The following GRAP2 variants were observed in gnomAD, a reference collection of about 807,000 sequenced individuals.
GRAP2 encodes GRB2-related adapter protein 2.
A neutral mutation model predicts 43.5 loss-of-function variants in GRAP2; 31 were observed. The observed-to-expected ratio is 0.71, with a 90% CI of 0.54 to 0.96. The LOEUF (loss-of-function observed/expected upper bound fraction) is 0.96. GRAP2 is among the 40% of genes least tolerant of loss of function. The pLI is 0.00. For synonymous variants in GRAP2, 156 were observed against 164.8 expected, an observed-to-expected ratio of 0.95 and a Z score of 0.41; for missense variants, 371 against 424.4, an observed-to-expected ratio of 0.87 and a Z score of 1.11.
intron 3 of GRAP2, among the ~76,000 whole-genome samples, chr22:39,957,341 G>A (rs1050823268): frequency 4.6e-5 from 7 of 152,124 alleles, no homozygotes; most frequent in South Asian, 2.1e-4. Flanking sequence ...CAGCCCCTCC[G>A]TGCATCACTC....
intron 1 of GRAP2, among the ~76,000 whole-genome samples, chr22:39,926,354 C>G (rs773706300): frequency 6.6e-6 from 1 of 151,888 alleles, no homozygotes; most frequent in Non-Finnish European, 1.5e-5. Flanking sequence ...AACATGCACA[C>G]GCAGCAGAGA....
chr22:39,903,731 C>T (rs1329698344), intron 1 of GRAP2, among the ~76,000 whole-genome samples: 1 of 152,112 alleles, frequency 6.6e-6, no homozygotes, highest in East Asian at 1.9e-4. Context: ...CCTGCCTCAG[C>T]CTCCCAAAGT....
chr22:39,926,509 G>GCAAAA, intron 1 of GRAP2: 3 of 634,298 alleles, frequency 4.7e-6, no homozygotes, highest in Non-Finnish European at 5.9e-6. Flanking sequence ...AAGGAAAAGA[G>GCAAAA]CAAAAAAGCA....
intron 1 of GRAP2, among the ~76,000 whole-genome samples, chr22:39,909,347 T>A (rs183912577): frequency 4.5e-4 from 69 of 152,324 alleles, no homozygotes; most frequent in Non-Finnish European, 6.6e-4. Context: ...GAGAGCAGAC[T>A]TTTTCTCCAG....
intron 1 of GRAP2, among the ~76,000 whole-genome samples, chr22:39,941,251 C>T (rs2066867115): frequency 1.3e-5 from 2 of 152,154 alleles, no homozygotes; most frequent in Admixed American, 6.5e-5. Flanking sequence ...AACTGCCATT[C>T]GTTGGACACC....
intron 3 of GRAP2, among the ~76,000 whole-genome samples, chr22:39,958,391 G>A (rs1023348258): frequency 2.0e-5 from 3 of 152,076 alleles, no homozygotes; most frequent in African/African-American, 4.8e-5. Flanking sequence ...CATCTGGCAC[G>A]CTTCAGATCT....
intron 7 of GRAP2, among the ~76,000 whole-genome samples, chr22:39,969,862 C>T (rs1263791366): frequency 3.3e-5 from 5 of 152,004 alleles, no homozygotes; most frequent in African/African-American, 4.8e-5. Flanking sequence ...TGCAGTGAGC[C>T]GAGATTGCGC....
chr22:39,952,503 G>A (rs926952935), intron 2 of GRAP2, among the ~76,000 whole-genome samples: 6 of 152,086 alleles, frequency 3.9e-5, no homozygotes, highest in South Asian at 4.1e-4. Context: ...GTGTTTTTAC[G>A]TGGCTACGAG....
chr22:39,898,426 T>G (rs2066473895), upstream of GRAP2, among the ~76,000 whole-genome samples: 1 of 152,222 alleles, frequency 6.6e-6, no homozygotes, highest in African/African-American at 2.4e-5. Context: ...CTTTATTTAT[T>G]GAATAAATGA....
intron 1 of GRAP2, among the ~76,000 whole-genome samples, chr22:39,901,555 C>T (rs2066492561): frequency 6.6e-6 from 1 of 152,174 alleles, no homozygotes; most frequent in Admixed American, 6.5e-5. Flanking sequence ...GTTCCTTACC[C>T]AGTCCATAAC....
chr22:39,930,934 C>A (rs999833822), intron 1 of GRAP2, among the ~76,000 whole-genome samples: 1 of 152,234 alleles, frequency 6.6e-6, no homozygotes, highest in African/African-American at 2.4e-5. Context: ...TTCCACTAAT[C>A]CCTCCTGCAC....
At chr22:39,966,227 A>C in intron 5 of GRAP2, 69 bp downstream of exon 5, 6 of 1,228,426 alleles carry the variant, frequency 4.9e-6, no homozygotes, top group Non-Finnish European at 7.1e-6. Flanking sequence ...ATGAACCACC[A>C]GGAAAAATGC....
chr22:39,970,854 G>C (rs759973850), intron 7 of GRAP2, 51 bp from the exon 8 acceptor site: 1 of 1,481,356 alleles, frequency 6.8e-7, no homozygotes, highest in East Asian at 2.4e-5. Flanking sequence ...ACCCTCCCCT[G>C]CCTGCCCAGC....
chr22:39,897,142 C>G (rs1252054705), upstream of GRAP2, among the ~76,000 whole-genome samples: 1 of 152,186 alleles, frequency 6.6e-6, no homozygotes, highest in African/African-American at 2.4e-5. Flanking sequence ...ACTCGTGTAT[C>G]TAACTACCTT....
intron 7 of GRAP2, among the ~76,000 whole-genome samples, chr22:39,969,978 G>A (rs529457313): frequency 1.3e-5 from 2 of 152,162 alleles, no homozygotes; most frequent in Non-Finnish European, 2.9e-5. Context: ...TGGAATGTTT[G>A]GGGAGGCCTG....
intron 1 of GRAP2, among the ~76,000 whole-genome samples, chr22:39,934,006 C>T (rs13056364): frequency 5.3e-5 from 8 of 151,984 alleles, no homozygotes; most frequent in African/African-American, 1.7e-4. Flanking sequence ...CAAAAGAGGT[C>T]GAGGAAAGCG....
chr22:39,954,404 A>C (rs1158397437), intron 2 of GRAP2, among the ~76,000 whole-genome samples: 2 of 152,010 alleles, frequency 1.3e-5, no homozygotes, highest in Non-Finnish European at 2.9e-5. Context: ...ACTTAAAAAA[A>C]ATTTTTTTTT....
At chr22:39,932,781 C>T (rs2066769307) in intron 1 of GRAP2, among the ~76,000 whole-genome samples, 1 of 151,898 alleles carries the variant, frequency 6.6e-6, no homozygotes, top group East Asian at 1.9e-4. Context: ...TACTATGTGC[C>T]AGACACCATA....
chr22:39,938,476 A>G (rs1428515290), intron 1 of GRAP2, among the ~76,000 whole-genome samples: 2 of 152,232 alleles, frequency 1.3e-5, no homozygotes, highest in East Asian at 1.9e-4. Context: ...AGGCAAGGCC[A>G]TGGGGTTCTG....
Sources: gnomAD v4.1 joint callset for allele counts (sites outside exome capture counted in the v4.1 genomes callset) on GRCh38, gnomAD v4.1.1 for gene constraint, MANE v1.5 for transcripts, NCBI Gene and HGNC (gene_info 2026-07-23, HGNC 2026-07-21) for gene names.